The following NELL2 variants were observed in gnomAD, a reference collection of about 807,000 sequenced individuals.
NELL2 encodes neural EGFL like 2.
NELL2 carries 41 observed loss-of-function variants against 109.6 expected under a neutral mutation model. The observed-to-expected ratio is 0.37, with a 90% CI of 0.29 to 0.49. NELL2 has a LOEUF of 0.49. Among genes scored for constraint, NELL2 ranks in the 20% least tolerant of loss-of-function variants. The pLI is 0.98. For synonymous variants in NELL2, 355 were observed against 344.7 expected, an observed-to-expected ratio of 1.03 and a Z score of -0.33; for missense variants, 900 against 1,008.3, an observed-to-expected ratio of 0.89 and a Z score of 1.45.
At position 44,809,926 on chromosome 12, in the gene NELL2, A is replaced by T. The variant is rs537440079; in HGVS notation, c.335+6060T>A. On this transcript the variant is annotated intron_variant, in intron 3 of 19. Coordinates refer to ENST00000429094, the MANE Select transcript of NELL2 (RefSeq NM_001145108.2). ...TTAACACCGTGGCTGAGATGTTGCCATATAGCTTATTACAGTTGTCATTAT... is the reference window on the plus strand; with the variant it reads ...TTAACACCGTGGCTGAGATGTTGCCTTATAGCTTATTACAGTTGTCATTAT... Among the ~76,000 whole-genome samples, 3 of 152,202 alleles carry T rather than the reference A, an allele frequency of 2.0e-5. No individual in the cohort carries two copies. In the East Asian group the frequency reaches 5.8e-4, roughly 29 times the overall value.
At chr12:44,683,734 G>A (rs557168574) in intron 12 of NELL2, among the ~76,000 whole-genome samples, 53 of 152,200 alleles carry the variant, frequency 3.5e-4, no homozygotes, top group Admixed American at 1.1e-3. Flanking sequence ...ATTGATTTGC[G>A]TATGTTGAAA....
chr12:44,579,939 GA>G (rs1944263161), intron 15 of NELL2, among the ~76,000 whole-genome samples: 1 of 152,170 alleles, frequency 6.6e-6, no homozygotes, highest in African/African-American at 2.4e-5. Flanking sequence ...GTAGCTCTAT[GA>G]AACTGTTAAA....
rs748508369 is a variant in NELL2 at position 44,520,225 on chromosome 12, C to T, written c.2180G>A (p.Gly727Glu). The change falls in exon 19 of 20, where the codon GGG becomes GAG. Residue 727 changes from glycine (G) to glutamate (E), a missense_variant. Coordinates refer to ENST00000429094, the MANE Select transcript of NELL2 (RefSeq NM_001145108.2). ...QNCQQCRCLQ[G>E]EVDCWPLPCP... is the part of the protein sequence containing the mutation. ...AGGCAGGGGCCAACAATCAACTTCC[C>T]CTTGCTACAAGGAAAGCAGATGTGC... 1 of 1,608,824 alleles carries T rather than the reference C, an allele frequency of 6.2e-7. No individual in the cohort carries two copies. Among genetic ancestry groups the T allele is most frequent in the East Asian group, 2.2e-5 (1 of 44,740 alleles).
At chr12:44,811,337 T>A (rs976925429) in intron 3 of NELL2, among the ~76,000 whole-genome samples, 276 of 103,148 alleles carry the variant, frequency 2.7e-3, no homozygotes, top group East Asian at 3.1e-3. Context: ...GAACTAAAAG[T>A]AAAAAAAAAA....
chr12:44,715,753 T>C (rs1488442099), intron 9 of NELL2, among the ~76,000 whole-genome samples: 1 of 152,118 alleles, frequency 6.6e-6, no homozygotes, highest in Non-Finnish European at 1.5e-5. Context: ...ACTCTGGCAA[T>C]TTGTTCCCCA....
chr12:44,528,016 C>T (rs188918890), intron 16 of NELL2, among the ~76,000 whole-genome samples: 2 of 143,448 alleles, frequency 1.4e-5, no homozygotes, highest in African/African-American at 5.2e-5. Context: ...ATGGCGTGAA[C>T]CGGGGAGGTG....
At position 44,873,744 on chromosome 12, in the gene NELL2, C is replaced by CA. The variant is rs35182533; in HGVS notation, c.184+1480dup. On this transcript the variant is annotated intron_variant, in intron 2 of 19. Transcript: ENST00000429094. ...ACAACACAATACAAAACAACAACAA[C>CA]AAAAAAAAAAAAACAGAAGGTTAAC... Among the ~76,000 whole-genome samples, 282 of 146,540 alleles carry CA rather than the reference C, an allele frequency of 1.9e-3. 1 individual carries two copies. The highest frequency in any genetic ancestry group is 3.8e-3 in the Admixed American group (57 of 14,824).
At chr12:44,584,017 G>T (rs1044637506) in intron 15 of NELL2, among the ~76,000 whole-genome samples, 1 of 152,118 alleles carries the variant, frequency 6.6e-6, no homozygotes, top group Non-Finnish European at 1.5e-5. Flanking sequence ...CAAGCGATCC[G>T]CCCACCTTGG....
rs530276261 is a variant in NELL2 at position 44,705,389 on chromosome 12, A to G, written c.1190-1535T>C. Among the ~76,000 whole-genome samples the G allele has an allele frequency of 5.3e-5, 8 of 152,342 alleles. No individual in the cohort carries two copies. In the East Asian group the frequency reaches 9.6e-4, roughly 18 times the overall value. On this transcript the variant is annotated intron_variant, in intron 11 of 19. Transcript: ENST00000429094. ...AGGTTTATTAAGTCCAGAAAAATAT[A>G]GTCAATAACAGCATTTAAAATACTT... is the stretch of plus-strand genomic sequence containing the variant.
intron 19 of NELL2, 57 bp downstream of exon 19, chr12:44,519,948 T>C: frequency 1.4e-6 from 2 of 1,439,628 alleles, no homozygotes; most frequent in Non-Finnish European, 2.0e-6. Context: ...CATTATTATC[T>C]ATGAGCCCTG....
At chr12:44,522,263 G>A (rs1264209491) in intron 17 of NELL2, 87 bp from the exon 18 acceptor site, 3 of 1,143,840 alleles carry the variant, frequency 2.6e-6, no homozygotes, top group African/African-American at 1.6e-5. Flanking sequence ...ATTTCAGATG[G>A]TGACTTGGAA....
upstream of NELL2, among the ~76,000 whole-genome samples, chr12:44,880,441 T>C (rs1945398806): frequency 6.6e-6 from 1 of 151,502 alleles, no homozygotes; most frequent in Non-Finnish European, 1.5e-5. Context: ...AAACAAAAAG[T>C]CAGATGTGAG....
intron 11 of NELL2, among the ~76,000 whole-genome samples, chr12:44,707,147 T>C (rs948863651): frequency 2.6e-5 from 4 of 152,170 alleles, no homozygotes; most frequent in African/African-American, 4.8e-5. Flanking sequence ...CAGATGCTTA[T>C]AAGAAAATGG....
chr12:44,653,782 C>T (rs1014465613), intron 13 of NELL2, among the ~76,000 whole-genome samples: 2 of 152,072 alleles, frequency 1.3e-5, no homozygotes, highest in Admixed American at 1.3e-4. Context: ...AAATAACATA[C>T]AACAAAGACA....
intron 11 of NELL2, among the ~76,000 whole-genome samples, chr12:44,709,830 T>C (rs1938098688): frequency 1.3e-5 from 2 of 152,214 alleles, no homozygotes. Flanking sequence ...AAAGACACTC[T>C]AGTCAAGCTG....
At chr12:44,572,208 C>T (rs1451697672) in intron 15 of NELL2, among the ~76,000 whole-genome samples, 1 of 152,152 alleles carries the variant, frequency 6.6e-6, no homozygotes, top group Non-Finnish European at 1.5e-5. Context: ...GTAGTATGAT[C>T]ACAGCTCATT....
At chr12:44,662,615 A>T (rs951283003) in intron 13 of NELL2, among the ~76,000 whole-genome samples, 12 of 152,364 alleles carry the variant, frequency 7.9e-5, no homozygotes, top group East Asian at 1.9e-4. Context: ...GAAAGAAAAA[A>T]TATGCAATTT....
intron 13 of NELL2, among the ~76,000 whole-genome samples, chr12:44,615,472 A>T (rs970204808): frequency 6.6e-6 from 1 of 152,120 alleles, no homozygotes; most frequent in East Asian, 1.9e-4. Flanking sequence ...ATTAAACTTG[A>T]CTTGGAAAGG....
chr12:44,765,903 T>C (rs979630772), intron 9 of NELL2, among the ~76,000 whole-genome samples: 2 of 152,154 alleles, frequency 1.3e-5, no homozygotes, highest in African/African-American at 2.4e-5. Context: ...GGTGGGCAGA[T>C]CACTTTAGGT....
Sources: allele counts gnomAD v4.1 joint callset (sites outside exome capture counted in the v4.1 genomes callset), GRCh38; gene constraint gnomAD v4.1.1; transcripts MANE v1.5; gene names NCBI Gene and HGNC (gene_info 2026-07-23, HGNC 2026-07-21).